DNAH14: variants seen among roughly 807,000 people sequenced by gnomAD.
The protein encoded by DNAH14 is axonemal beta dynein heavy chain 14.
A neutral mutation model predicts 520.9 loss-of-function variants in DNAH14; 478 were observed. The observed-to-expected ratio is 0.92, with a 90% CI of 0.85 to 0.99. The LOEUF (loss-of-function observed/expected upper bound fraction) is 0.99. DNAH14 is among the 50% of genes least tolerant of loss of function. The pLI is 0.00. For missense variants in DNAH14, 4,831 were observed against 5,234.5 expected (o/e 0.92, Z 2.38); for synonymous variants, 1,581 against 1,757.2 (o/e 0.90, Z 2.51).
intron 34 of DNAH14, among the ~76,000 whole-genome samples, chr1:225,154,566 A>G (rs2080847187): frequency 6.6e-6 from 1 of 152,120 alleles, no homozygotes; most frequent in Non-Finnish European, 1.5e-5. Context: ...TGCTTTGGGC[A>G]TTTATTATAT....
chr1:225,157,886 C>G (rs759709469), intron 34 of DNAH14, among the ~76,000 whole-genome samples: 2 of 152,142 alleles, frequency 1.3e-5, no homozygotes, highest in Non-Finnish European at 2.9e-5. Flanking sequence ...AATTCCAACC[C>G]GCTATAACTC....
At chr1:224,958,217 A>G (rs2060628255) in intron 3 of DNAH14, among the ~76,000 whole-genome samples, 1 of 152,106 alleles carries the variant, frequency 6.6e-6, no homozygotes, top group Admixed American at 6.6e-5. Flanking sequence ...TAGAGATTTG[A>G]GGAGCATGGA....
intron 37 of DNAH14, among the ~76,000 whole-genome samples, chr1:225,191,671 A>G (rs1438300915): frequency 2.0e-5 from 3 of 151,964 alleles, no homozygotes; most frequent in Non-Finnish European, 4.4e-5. Context: ...TTCTGGAATT[A>G]CCATAATGTA....
intron 54 of DNAH14, among the ~76,000 whole-genome samples, chr1:225,280,983 G>A (rs2093616215): frequency 6.6e-6 from 1 of 152,202 alleles, no homozygotes; most frequent in Non-Finnish European, 1.5e-5. Context: ...GGGTGAGGGT[G>A]AAAGACACTG....
intron 21 of DNAH14, among the ~76,000 whole-genome samples, chr1:225,089,560 T>C (rs967185258): frequency 8.6e-5 from 13 of 151,722 alleles, no homozygotes; most frequent in Non-Finnish European, 1.5e-4. Flanking sequence ...ATAGCCCTCT[T>C]AAATATAGAT....
intron 27 of DNAH14, among the ~76,000 whole-genome samples, chr1:225,140,544 A>G (rs945055703): frequency 2.0e-5 from 3 of 152,206 alleles, no homozygotes; most frequent in Non-Finnish European, 4.4e-5. Context: ...ATTTAAGAAT[A>G]TAAGACTTAG....
At chr1:225,141,367 T>C (rs1381523226) in intron 28 of DNAH14, among the ~76,000 whole-genome samples, 1 of 151,968 alleles carries the variant, frequency 6.6e-6, no homozygotes, top group Non-Finnish European at 1.5e-5. Flanking sequence ...ATGTGCCTCA[T>C]TTATAAATTA....
chr1:225,335,149 ACATGTGTGCATGTGTG>A (rs371353636), intron 66 of DNAH14, among the ~76,000 whole-genome samples: 10 of 142,950 alleles, frequency 7.0e-5, no homozygotes, highest in South Asian at 4.4e-4. Context: ...GCACATGTGT[ACATGTGTGCATGTGTG>A]CATGTGTACA....
At chr1:225,212,669 T>A (rs1382377943) in intron 41 of DNAH14, among the ~76,000 whole-genome samples, 1 of 152,224 alleles carries the variant, frequency 6.6e-6, no homozygotes, top group Non-Finnish European at 1.5e-5. Flanking sequence ...ATGATGAGCA[T>A]TTTTTCATGT....
chr1:225,112,713 TG>T (rs1219464412), intron 23 of DNAH14, among the ~76,000 whole-genome samples: 2 of 152,052 alleles, frequency 1.3e-5, no homozygotes, highest in Non-Finnish European at 2.9e-5. Context: ...TCAAATAGCC[TG>T]TCTTCAAGCT....
intron 27 of DNAH14, among the ~76,000 whole-genome samples, chr1:225,128,448 C>A (rs912556981): frequency 3.9e-5 from 6 of 152,080 alleles, no homozygotes; most frequent in Non-Finnish European, 5.9e-5. Context: ...TCCAGCAGCA[C>A]ATCAAAAAGC....
At chr1:224,945,652 G>A (rs950862762) in intron 1 of DNAH14, among the ~76,000 whole-genome samples, 10 of 152,362 alleles carry the variant, frequency 6.6e-5, no homozygotes, top group East Asian at 1.9e-4. Context: ...TGATGGTGAC[G>A]TACAGATGGG....
intron 15 of DNAH14, among the ~76,000 whole-genome samples, chr1:225,046,854 T>A (rs1251119502): frequency 6.6e-6 from 1 of 152,224 alleles, no homozygotes; most frequent in Admixed American, 6.5e-5. Context: ...GGCTTAATTT[T>A]GGAAGAGTAA....
chr1:225,385,258 C>T (rs897539490), intron 81 of DNAH14, among the ~76,000 whole-genome samples: 1 of 152,078 alleles, frequency 6.6e-6, no homozygotes, highest in Admixed American at 6.5e-5. Flanking sequence ...TATGACAAAC[C>T]CACAGCCAAT....
At chr1:225,151,913 G>A in intron 31 of DNAH14, 92 bp from the exon 32 acceptor site, 1 of 1,028,960 alleles carries the variant, frequency 9.7e-7, no homozygotes, top group Non-Finnish European at 1.5e-6. Context: ...ATGTAACACA[G>A]CCTTAATAAA....
At chr1:225,354,203 A>G in intron 73 of DNAH14, 1 of 701,950 alleles carries the variant, frequency 1.4e-6, no homozygotes, top group Non-Finnish European at 2.6e-6. Context: ...TCTCCGTGCC[A>G]TAAACCATAC....
intron 17 of DNAH14, among the ~76,000 whole-genome samples, chr1:225,076,184 G>A (rs770794524): frequency 2.0e-5 from 3 of 152,200 alleles, no homozygotes; most frequent in Non-Finnish European, 4.4e-5. Context: ...GCCACTGAAG[G>A]TGGCATGGTA....
At chr1:224,985,056 G>C (rs1168128965) in intron 8 of DNAH14, among the ~76,000 whole-genome samples, 1 of 152,196 alleles carries the variant, frequency 6.6e-6, no homozygotes, top group African/African-American at 2.4e-5. Context: ...AAACAGCGTG[G>C]AGATTCCTTA....
At chr1:225,260,029 T>C (rs1005552940) in intron 46 of DNAH14, among the ~76,000 whole-genome samples, 3 of 151,544 alleles carry the variant, frequency 2.0e-5, no homozygotes, top group Non-Finnish European at 2.9e-5. Context: ...TATATATATA[T>C]ACACACACAC....
Sources: gnomAD v4.1 joint callset for allele counts (sites outside exome capture counted in the v4.1 genomes callset) on GRCh38, gnomAD v4.1.1 for gene constraint, MANE v1.5 for transcripts, NCBI Gene and HGNC (gene_info 2026-07-23, HGNC 2026-07-21) for gene names.